PRKAR1B: variants seen among roughly 807,000 people sequenced by gnomAD.
The protein encoded by PRKAR1B is protein kinase cAMP-dependent type I regulatory subunit beta.
Under a neutral mutation model 46.5 loss-of-function variants are expected in PRKAR1B, and 22 were observed. The ratio of observed to expected loss-of-function variants is 0.47; its 90% confidence interval spans 0.34 to 0.68. The LOEUF (loss-of-function observed/expected upper bound fraction) is 0.68. Among genes scored for constraint, PRKAR1B ranks in the 30% least tolerant of loss-of-function variants. PRKAR1B has a pLI of 0.01. For synonymous variants in PRKAR1B, 259 were observed against 217.7 expected (o/e 1.19, Z -1.67); for missense variants, 445 against 535.6 (o/e 0.83, Z 1.67).
chr7:692,323 C>T (rs1436160096), intron 2 of PRKAR1B, among the ~76,000 whole-genome samples: 5 of 152,290 alleles, frequency 3.3e-5, no homozygotes, highest in Non-Finnish European at 5.9e-5. Flanking sequence ...TCGATTGAAC[C>T]CAGGAGGTGG....
At chr7:607,510 T>C in intron 4 of PRKAR1B, 58 bp from the exon 5 acceptor site, 6 of 1,409,284 alleles carry the variant, frequency 4.3e-6, no homozygotes, top group South Asian at 1.2e-5. Context: ...ATTTAAACCC[T>C]TCCTCCCCTC....
intron 3 of PRKAR1B, among the ~76,000 whole-genome samples, chr7:679,189 C>T (rs1778516802): frequency 6.6e-6 from 1 of 152,220 alleles, no homozygotes; most frequent in African/African-American, 2.4e-5. Context: ...ATGTTACTAC[C>T]TTACATCCTA....
intron 4 of PRKAR1B, among the ~76,000 whole-genome samples, chr7:642,617 T>TG (rs1784444536): frequency 6.7e-6 from 1 of 149,128 alleles, no homozygotes; most frequent in South Asian, 2.1e-4. Context: ...CCCAGCTACT[T>TG]GGGAGGCTGA....
chr7:659,691 G>A (rs75147522), intron 4 of PRKAR1B, among the ~76,000 whole-genome samples: 4,049 of 152,230 alleles, frequency 0.027, 99 homozygotes, highest in Middle Eastern at 0.078. Flanking sequence ...ACGTCCAGAC[G>A]CATGGGCCTT....
intron 7 of PRKAR1B, among the ~76,000 whole-genome samples, chr7:589,993 G>A (rs1222603682): frequency 3.3e-5 from 5 of 152,226 alleles, no homozygotes; most frequent in Non-Finnish European, 5.9e-5. Context: ...TCAATGGCAC[G>A]GGGCCACTTT....
chr7:565,163 T>C (rs1401661636), intron 9 of PRKAR1B: 2 of 152,254 alleles, frequency 1.3e-5, no homozygotes, highest in East Asian at 1.9e-4. Context: ...CCATCCCTCA[T>C]GGACCACACG....
At chr7:624,467 G>C (rs909601758) in intron 4 of PRKAR1B, among the ~76,000 whole-genome samples, 1 of 152,066 alleles carries the variant, frequency 6.6e-6, no homozygotes, top group African/African-American at 2.4e-5. Flanking sequence ...TCTTTGAATG[G>C]GTTTTTCTTT....
At chr7:625,565 G>C (rs887124792) in intron 4 of PRKAR1B, among the ~76,000 whole-genome samples, 1 of 152,080 alleles carries the variant, frequency 6.6e-6, no homozygotes, top group African/African-American at 2.4e-5. Flanking sequence ...CATAACTACA[G>C]GTCCTATGGA....
intron 1 of PRKAR1B, chr7:712,566 C>G (rs1246281173): frequency 7.0e-6 from 1 of 142,920 alleles, no homozygotes; most frequent in Non-Finnish European, 1.6e-5. Context: ...CCCCCAACGC[C>G]GCCCGCGCGG....
intron 4 of PRKAR1B, among the ~76,000 whole-genome samples, chr7:618,291 T>C (rs775466597): frequency 1.3e-5 from 2 of 152,216 alleles, no homozygotes; most frequent in African/African-American, 2.4e-5. Context: ...GGACATCCTA[T>C]TCCAACATCT....
At chr7:550,678 C>T (rs1784127409) in intron 10 of PRKAR1B, 76 bp from the exon 11 acceptor site, 2 of 1,290,942 alleles carry the variant, frequency 1.5e-6, no homozygotes, top group Non-Finnish European at 2.1e-6. Context: ...ATGTCCAGGA[C>T]CCTGGAAGCG....
chr7:627,736 C>T (rs559482859), intron 4 of PRKAR1B, among the ~76,000 whole-genome samples: 151 of 151,954 alleles, frequency 9.9e-4, no homozygotes, highest in African/African-American at 3.3e-3. Flanking sequence ...TCACGCCCGC[C>T]CTCCCCGGGC....
intron 4 of PRKAR1B, among the ~76,000 whole-genome samples, chr7:638,333 A>G (rs536196550): frequency 6.6e-6 from 1 of 152,178 alleles, no homozygotes; most frequent in East Asian, 1.9e-4. Context: ...GGTGGTGAAC[A>G]CACCTCACAT....
intron 1 of PRKAR1B, among the ~76,000 whole-genome samples, chr7:719,752 A>C (rs145181700): frequency 6.6e-6 from 1 of 152,220 alleles, no homozygotes; most frequent in East Asian, 1.9e-4. Context: ...TACCAGCTCC[A>C]CAAGGCTCCC....
chr7:621,371 C>T (rs541114988), intron 4 of PRKAR1B, among the ~76,000 whole-genome samples: 1 of 152,276 alleles, frequency 6.6e-6, no homozygotes, highest in South Asian at 2.1e-4. Context: ...AAATCATCTC[C>T]CAATATTTAA....
intron 4 of PRKAR1B, among the ~76,000 whole-genome samples, chr7:634,098 C>T (rs1783907248): frequency 6.6e-6 from 1 of 152,164 alleles, no homozygotes; most frequent in Admixed American, 6.5e-5. Context: ...TCTCAGCTCA[C>T]TGCAACCTCT....
chr7:619,329 G>C (rs1170349916), intron 4 of PRKAR1B, among the ~76,000 whole-genome samples: 1 of 152,196 alleles, frequency 6.6e-6, no homozygotes, highest in Non-Finnish European at 1.5e-5. Context: ...CTTGATCACT[G>C]TTGTTAAGGC....
At chr7:597,050 C>T (rs1404437048) in intron 6 of PRKAR1B, among the ~76,000 whole-genome samples, 1 of 152,256 alleles carries the variant, frequency 6.6e-6, no homozygotes, top group Admixed American at 6.5e-5. Flanking sequence ...ACAGTTGGGT[C>T]CGTGCAAGAA....
chr7:612,746 G>T (rs1036698820), intron 4 of PRKAR1B, among the ~76,000 whole-genome samples: 2 of 147,580 alleles, frequency 1.4e-5, no homozygotes, highest in African/African-American at 5.4e-5. Context: ...TCCACATTTA[G>T]GAACTTGAAG....
Sources: gnomAD v4.1 joint callset for allele counts (sites outside exome capture counted in the v4.1 genomes callset) on GRCh38, gnomAD v4.1.1 for gene constraint, MANE v1.5 for transcripts, NCBI Gene and HGNC (gene_info 2026-07-23, HGNC 2026-07-21) for gene names.